The following LRRTM4 variants were observed in gnomAD, a reference collection of about 807,000 sequenced individuals.
LRRTM4 encodes leucine-rich repeat transmembrane neuronal protein 4.
LRRTM4 carries 25 observed loss-of-function variants against 47.6 expected under a neutral mutation model. The observed-to-expected ratio is 0.53, with a 90% CI of 0.38 to 0.73. The LOEUF (loss-of-function observed/expected upper bound fraction) is 0.73. LRRTM4 is among the 30% of genes least tolerant of loss of function. The probability of loss-of-function intolerance (pLI) is 0.00; values close to 1 mark genes in which losing one functional copy is unlikely to be tolerated. For missense variants in LRRTM4, 638 were observed against 713.4 expected (o/e 0.89, Z 1.20); for synonymous variants, 311 against 269.5 (o/e 1.15, Z -1.51).
chr2:76,873,148 G>A (rs1016438391), intron 3 of LRRTM4, among the ~76,000 whole-genome samples: 10 of 151,746 alleles, frequency 6.6e-5, no homozygotes, highest in African/African-American at 1.2e-4. Context: ...TGACATAAAC[G>A]GTACACAAAA....
chr2:76,800,298 G>C (rs374612619), intron 3 of LRRTM4, among the ~76,000 whole-genome samples: 2 of 148,748 alleles, frequency 1.3e-5, no homozygotes, highest in South Asian at 4.4e-4. Context: ...AAATAGTGCC[G>C]CATATCTACA....
chr2:77,029,910 G>A (rs1428372926), intron 3 of LRRTM4, among the ~76,000 whole-genome samples: 1 of 151,972 alleles, frequency 6.6e-6, no homozygotes, highest in African/African-American at 2.4e-5. Context: ...GGGACTCAGG[G>A]GGAAATTAAA....
intron 3 of LRRTM4, among the ~76,000 whole-genome samples, chr2:76,998,769 G>C (rs975005044): frequency 2.9e-5 from 4 of 138,772 alleles, no homozygotes; most frequent in Non-Finnish European, 4.7e-5. Context: ...TATATTTTCT[G>C]TTTTTTTTTT....
At chr2:76,776,693 T>C (rs1285102133) in intron 3 of LRRTM4, among the ~76,000 whole-genome samples, 1 of 146,992 alleles carries the variant, frequency 6.8e-6, no homozygotes, top group African/African-American at 2.5e-5. Flanking sequence ...GAAAATTTTC[T>C]CCCATTTTGT....
chr2:77,282,124 T>A (rs2104102074), intron 3 of LRRTM4, among the ~76,000 whole-genome samples: 1 of 152,052 alleles, frequency 6.6e-6, no homozygotes, highest in African/African-American at 2.4e-5. Context: ...TTTAAGAGTG[T>A]CTTATAGTTG....
intron 3 of LRRTM4, among the ~76,000 whole-genome samples, chr2:77,427,115 A>T (rs1675153244): frequency 6.6e-6 from 1 of 151,706 alleles, no homozygotes. Context: ...AGTAGCTGGG[A>T]CTACAGGTGC....
intron 3 of LRRTM4, among the ~76,000 whole-genome samples, chr2:76,786,727 T>C (rs150801346): frequency 2.7e-4 from 41 of 152,232 alleles, no homozygotes; most frequent in African/African-American, 8.9e-4. Flanking sequence ...AATTTGTTTA[T>C]ATTGTGTCAA....
chr2:77,381,592 A>G lies in LRRTM4; in HGVS notation c.1551+136726T>C, dbSNP rs567644447. 3.2e-4 allele frequency among the ~76,000 whole-genome samples: 48 copies of G among 152,182 alleles called. 1 individual carries two copies. In the South Asian group the frequency reaches 9.5e-3, roughly 30 times the overall value. On this transcript the variant is annotated intron_variant, in intron 3 of 3. Transcript: ENST00000409884. Reference sequence around the variant, plus strand: ...ATAAATAAAATTATAATAAACACAAACATTTATCTTCATATGATGAAGATT... The same window carrying G: ...ATAAATAAAATTATAATAAACACAAGCATTTATCTTCATATGATGAAGATT...
chr2:77,494,474 T>A (rs1301153162), intron 3 of LRRTM4, among the ~76,000 whole-genome samples: 2 of 152,002 alleles, frequency 1.3e-5, no homozygotes, highest in African/African-American at 4.8e-5. Context: ...ATACTTCTCC[T>A]AGGCATTCCA....
intron 3 of LRRTM4, among the ~76,000 whole-genome samples, chr2:77,012,625 G>C (rs554661983): frequency 6.6e-6 from 1 of 152,254 alleles, no homozygotes; most frequent in East Asian, 1.9e-4. Flanking sequence ...TTTAGAACTA[G>C]AAATCCCTTT....
Position 77,506,143 on chromosome 2 carries a change from T to G in LRRTM4, c.1551+12175A>C, listed in dbSNP as rs1036845094. On this transcript the variant is annotated intron_variant, in intron 3 of 3. Coordinates refer to ENST00000409884, the MANE Select transcript of LRRTM4 (RefSeq NM_001134745.3). The stretch of plus-strand genomic sequence containing the variant: ...TTGTAATAAAGAGTGAATCCTTGAG[T>G]GGAATATAGAAAGCACAAAAATGAC... 2.6e-5 allele frequency among the ~76,000 whole-genome samples: 4 copies of G among 151,520 alleles called. No homozygotes were observed. In the East Asian group the frequency reaches 7.7e-4, roughly 29 times the overall value.
At chr2:77,059,800 C>T (rs978975010) in intron 3 of LRRTM4, among the ~76,000 whole-genome samples, 2 of 152,252 alleles carry the variant, frequency 1.3e-5, no homozygotes, top group African/African-American at 2.4e-5. Flanking sequence ...ATCTTAAAGT[C>T]GCTTTTTACA....
At chr2:77,156,582 C>T (rs563049085) in intron 3 of LRRTM4, among the ~76,000 whole-genome samples, 1 of 151,958 alleles carries the variant, frequency 6.6e-6, no homozygotes, top group East Asian at 1.9e-4. Flanking sequence ...TAAAAACATC[C>T]AAAACAACAC....
At chr2:76,755,783 G>T (rs1673008122) in intron 3 of LRRTM4, among the ~76,000 whole-genome samples, 1 of 152,196 alleles carries the variant, frequency 6.6e-6, no homozygotes, top group African/African-American at 2.4e-5. Context: ...GAAAGCAAGG[G>T]CATATCTGAA....
intron 3 of LRRTM4, among the ~76,000 whole-genome samples, chr2:77,460,179 T>A (rs1381941214): frequency 1.3e-5 from 2 of 152,172 alleles, no homozygotes; most frequent in Non-Finnish European, 2.9e-5. Context: ...TTTAATATGC[T>A]TAATGTACTG....
intron 3 of LRRTM4, among the ~76,000 whole-genome samples, chr2:76,932,812 T>C (rs1245608677): frequency 1.3e-5 from 2 of 151,716 alleles, no homozygotes; most frequent in Non-Finnish European, 2.9e-5. Context: ...AAGAAATTAA[T>C]TTGAAATGAT....
intron 3 of LRRTM4, among the ~76,000 whole-genome samples, chr2:77,362,578 T>A (rs1573312810): frequency 6.6e-6 from 1 of 152,302 alleles, no homozygotes; most frequent in Non-Finnish European, 1.5e-5. Flanking sequence ...AAACTGATCC[T>A]ATGCCTCCTT....
intron 3 of LRRTM4, among the ~76,000 whole-genome samples, chr2:76,962,711 T>C (rs925684385): frequency 6.6e-6 from 1 of 150,684 alleles, no homozygotes; most frequent in African/African-American, 2.4e-5. Flanking sequence ...AATAAAATAC[T>C]GTTTTAAAAA....
intron 3 of LRRTM4, among the ~76,000 whole-genome samples, chr2:77,228,408 A>G (rs1023963797): frequency 2.0e-5 from 3 of 152,234 alleles, no homozygotes; most frequent in African/African-American, 7.2e-5. Flanking sequence ...CAGCAAAGGA[A>G]TGGGTTTGGC....
Sources: allele counts gnomAD v4.1 joint callset (sites outside exome capture counted in the v4.1 genomes callset), GRCh38; gene constraint gnomAD v4.1.1; transcripts MANE v1.5; gene names NCBI Gene and HGNC (gene_info 2026-07-23, HGNC 2026-07-21).